SRBD1: variants seen among roughly 807,000 people sequenced by gnomAD.
SRBD1 encodes the protein S1 RNA-binding domain-containing protein 1.
SRBD1 carries 88 observed loss-of-function variants against 115.3 expected under a neutral mutation model. The observed-to-expected ratio is 0.76, with a 90% CI of 0.64 to 0.91. The LOEUF (loss-of-function observed/expected upper bound fraction) is 0.91, where lower values mean the gene tolerates loss of function less well. SRBD1 is among the 40% of genes least tolerant of loss of function. SRBD1 has a pLI of 0.00. For synonymous variants in SRBD1, 509 were observed against 407.7 expected (o/e 1.25, Z -2.99); for missense variants, 1,385 against 1,177.4 (o/e 1.18, Z -2.58).
chr2:45,602,858 C>T lies in SRBD1; in HGVS notation c.81-775G>A, dbSNP rs181287621. Among the ~76,000 whole-genome samples, 20 of 152,254 alleles carry T rather than the reference C, an allele frequency of 1.3e-4. No homozygotes were observed. In the East Asian group the frequency reaches 3.7e-3, roughly 28 times the overall value. ...AGTCTGGGTTTTTTAATGTTAAGTT[C>T]TTGCTGGGGGCAAAAACCTGACTGG... On this transcript the variant is annotated intron_variant, in intron 2 of 20. Coordinates refer to ENST00000263736, the MANE Select transcript of SRBD1 (RefSeq NM_018079.5).
At chr2:45,501,953 G>T (rs563622163) in intron 14 of SRBD1, among the ~76,000 whole-genome samples, 2 of 152,176 alleles carry the variant, frequency 1.3e-5, no homozygotes, top group Non-Finnish European at 2.9e-5. Context: ...GGTTCTCCCA[G>T]TATGGAGTTT....
chr2:45,480,998 A>C (rs1669946599), intron 15 of SRBD1, among the ~76,000 whole-genome samples: 1 of 152,144 alleles, frequency 6.6e-6, no homozygotes, highest in Non-Finnish European at 1.5e-5. Flanking sequence ...ACCACATCTC[A>C]GCCTTTAGTA....
At chr2:45,559,892 G>A (rs1439249635) in intron 10 of SRBD1, among the ~76,000 whole-genome samples, 1 of 151,918 alleles carries the variant, frequency 6.6e-6, no homozygotes, top group Non-Finnish European at 1.5e-5. Context: ...AACAGCCTGG[G>A]AAATATGGCA....
chr2:45,425,475 C>G (rs1040728029), intron 16 of SRBD1, among the ~76,000 whole-genome samples: 2 of 152,080 alleles, frequency 1.3e-5, no homozygotes, highest in African/African-American at 4.8e-5. Flanking sequence ...AACAGCCCTA[C>G]AATGAACTAT....
At chr2:45,419,196 C>T (rs1049472500) in intron 17 of SRBD1, among the ~76,000 whole-genome samples, 5 of 152,162 alleles carry the variant, frequency 3.3e-5, no homozygotes, top group Non-Finnish European at 7.4e-5. Flanking sequence ...TTCTGCTATA[C>T]CTGTTTCAGT....
intron 16 of SRBD1, among the ~76,000 whole-genome samples, chr2:45,476,751 T>A (rs1022338669): frequency 1.3e-5 from 2 of 152,192 alleles, no homozygotes; most frequent in Non-Finnish European, 2.9e-5. Context: ...ATCTAGTGTT[T>A]TCATAGTCTT....
rs200822339 is a variant in SRBD1, at chr2:45,553,713, A to G, written c.1427T>C (p.Phe476Ser). ...GATCTTCATTAACTCTGGCCTTGCAAAGCTACGTGGTCTCCACCTGCAAAA... is the reference window on the plus strand; with the variant it reads ...GATCTTCATTAACTCTGGCCTTGCAGAGCTACGTGGTCTCCACCTGCAAAA... ...CIQNRWRPRS[F>S]ARPELMKILY... Residue 476 changes from phenylalanine to serine, a missense_variant, in exon 11 of 21, where the codon TTT becomes TCT. Physicochemically the swap from Phe to Ser is radical, Grantham distance 155. Coordinates refer to ENST00000263736, the MANE Select transcript of SRBD1 (RefSeq NM_018079.5). 96 of 1,601,856 alleles carry G rather than the reference A, an allele frequency of 6.0e-5. No homozygotes were observed. Among genetic ancestry groups the G allele is most frequent in the Non-Finnish European group, 3.0e-5 (35 of 1,174,480 alleles).
At chr2:45,527,458 T>C (rs963899186) in intron 14 of SRBD1, among the ~76,000 whole-genome samples, 1 of 151,832 alleles carries the variant, frequency 6.6e-6, no homozygotes, top group Non-Finnish European at 1.5e-5. Flanking sequence ...GGAGAATGTA[T>C]CTGAGTCAGG....
At chr2:45,535,837 T>G (rs1671747951) in intron 14 of SRBD1, among the ~76,000 whole-genome samples, 1 of 152,020 alleles carries the variant, frequency 6.6e-6, no homozygotes, top group Non-Finnish European at 1.5e-5. Context: ...TTTCTAACTC[T>G]CTTTACCCAA....
intron 16 of SRBD1, among the ~76,000 whole-genome samples, chr2:45,440,006 A>G (rs1668612753): frequency 6.6e-6 from 1 of 152,148 alleles, no homozygotes; most frequent in Admixed American, 6.5e-5. Context: ...TCCTGACTCT[A>G]AAAGGTAATC....
At chr2:45,406,006 AATG>A (rs932563442) in intron 19 of SRBD1, among the ~76,000 whole-genome samples, 2 of 152,184 alleles carry the variant, frequency 1.3e-5, no homozygotes, top group African/African-American at 4.8e-5. Flanking sequence ...TTTGGCCAAA[AATG>A]ATGAGAAGAA....
intron 11 of SRBD1, 34 bp downstream of exon 11, chr2:45,553,589 C>G: frequency 7.3e-7 from 1 of 1,378,738 alleles, no homozygotes; most frequent in Non-Finnish European, 9.9e-7. Flanking sequence ...TAACAATAAT[C>G]AGTACACAAA....
intron 19 of SRBD1, among the ~76,000 whole-genome samples, chr2:45,395,074 G>A (rs2103818800): frequency 6.6e-6 from 1 of 152,276 alleles, no homozygotes; most frequent in Admixed American, 6.5e-5. Flanking sequence ...AACCTCTGCC[G>A]AAATCCAACT....
chr2:45,544,207 T>C (rs911923162), intron 14 of SRBD1, among the ~76,000 whole-genome samples: 1 of 125,614 alleles, frequency 8.0e-6, no homozygotes, highest in Admixed American at 9.3e-5. Flanking sequence ...CACTCCCGCC[T>C]GGGTAACAAA....
chr2:45,546,238 C>T, intron 14 of SRBD1: 1 of 985,224 alleles, frequency 1.0e-6, no homozygotes, highest in Non-Finnish European at 1.2e-6. Flanking sequence ...ATCTGTATGC[C>T]TATATGAAAT....
intron 16 of SRBD1, among the ~76,000 whole-genome samples, chr2:45,448,583 G>A (rs1034664780): frequency 2.3e-4 from 35 of 152,098 alleles, no homozygotes; most frequent in African/African-American, 8.0e-4. Flanking sequence ...AGGGTAAACT[G>A]GAAAGGCTTG....
chr2:45,409,341 T>C lies in SRBD1; in HGVS notation c.2513+3773A>G, dbSNP rs138600291. 8.3e-3 allele frequency among the ~76,000 whole-genome samples: 1,261 copies of C among 152,220 alleles called. 18 individuals carry two copies. The highest frequency in any genetic ancestry group is 0.028 in the African/African-American group (1,166 of 41,510). ...TTATTGCAAGAAGTCTATGAATCCC[T>C]GTGCACATATGCACCTTCTCATCAA... is the stretch of plus-strand genomic sequence containing the variant. On this transcript the variant is annotated intron_variant, in intron 19 of 20. Transcript: ENST00000263736.
intron 16 of SRBD1, among the ~76,000 whole-genome samples, chr2:45,429,513 C>G (rs1279659951): frequency 1.3e-5 from 2 of 151,910 alleles, no homozygotes; most frequent in African/African-American, 4.8e-5. Flanking sequence ...TAAACGTAAT[C>G]CATCACATAA....
chr2:45,561,338 A>G (rs181358798), intron 10 of SRBD1, among the ~76,000 whole-genome samples: 7 of 152,308 alleles, frequency 4.6e-5, no homozygotes, highest in Non-Finnish European at 7.4e-5. Context: ...CAATTTACCT[A>G]TTGATTAACA....
Sources: allele counts gnomAD v4.1 joint callset (sites outside exome capture counted in the v4.1 genomes callset), GRCh38; gene constraint gnomAD v4.1.1; transcripts MANE v1.5; gene names NCBI Gene and HGNC (gene_info 2026-07-23, HGNC 2026-07-21).